The following RDX variants were observed in gnomAD, a reference collection of about 807,000 sequenced individuals.
RDX encodes deafness, autosomal recessive 24.
Under a neutral mutation model 83.7 loss-of-function variants are expected in RDX, and 32 were observed. The observed-to-expected ratio is 0.38, with a 90% CI of 0.29 to 0.51. The LOEUF is 0.51. Ranked by LOEUF, RDX falls within the 20% of genes least tolerant of loss-of-function variation. RDX has a pLI of 0.87. For missense variants in RDX, 600 were observed against 689.9 expected (o/e 0.87, Z 1.46); for synonymous variants, 229 against 222.7 (o/e 1.03, Z -0.25).
At position 110,176,898 on chromosome 11, in the gene RDX, T is replaced by C. The variant is rs149459653; in HGVS notation, c.*32-1664A>G. Among the ~76,000 whole-genome samples, 48 of 151,932 alleles carry C rather than the reference T, an allele frequency of 3.2e-4. 1 individual carries two copies. The South Asian group carries it at 5.0e-3, about 16-fold the overall frequency. On this transcript the variant is annotated intron_variant, in intron 15 of 15. Coordinates refer to the RDX transcript ENST00000528498. Reference sequence around the variant, plus strand: ...GCAGTATCACCAGGCCCTTTCGGAGTCCTCTCTGCTGACCTGAAGGAACCA... The same window carrying C: ...GCAGTATCACCAGGCCCTTTCGGAGCCCTCTCTGCTGACCTGAAGGAACCA...
At chr11:110,224,403 G>A (rs965716639) in intron 14 of RDX, among the ~76,000 whole-genome samples, 4 of 152,060 alleles carry the variant, frequency 2.6e-5, no homozygotes, top group East Asian at 1.9e-4. Context: ...ATTAAGCCTC[G>A]GTTAGGCATA....
intron 14 of RDX, among the ~76,000 whole-genome samples, chr11:110,215,136 G>A (rs923613013): frequency 1.3e-4 from 20 of 150,050 alleles, no homozygotes; most frequent in East Asian, 5.8e-4. Flanking sequence ...CGAGGTGGGC[G>A]GATCACGAGG....
Position 110,236,531 on chromosome 11 carries a change from T to C in RDX, c.1252-340A>G, listed in dbSNP as rs1000527702. The C allele has an allele frequency of 1.3e-4, 29 of 231,162 alleles. No individual in the cohort carries two copies. The South Asian group carries it at 1.8e-3, about 15-fold the overall frequency. 14.3% of individuals were successfully genotyped at this position (231,162 alleles called of 1,614,324 possible). A position where few individuals can be genotyped will look rare whatever the true frequency, so the allele number is the denominator to read the frequency against. ...CACAAAAGATAAAATATTTATCTAA[T>C]GCTATATACTTTAAATGGCACTTTG... On this transcript the variant is annotated intron_variant, in intron 11 of 13. Transcript: ENST00000645495.
intron 9 of RDX, among the ~76,000 whole-genome samples, chr11:110,250,128 G>A (rs1859266357): frequency 6.6e-6 from 1 of 152,160 alleles, no homozygotes; most frequent in African/African-American, 2.4e-5. Flanking sequence ...TCTAGAAGAC[G>A]TGAGTTTAAG....
chr11:110,284,774 C>T (rs1049710207), intron 1 of RDX, among the ~76,000 whole-genome samples: 2 of 152,074 alleles, frequency 1.3e-5, no homozygotes, highest in Non-Finnish European at 1.5e-5. Flanking sequence ...CCACCCGCCT[C>T]GGCCTCCCAA....
At chr11:110,261,558 CCGATATACCATACTGGA>C in intron 5 of RDX, among the ~76,000 whole-genome samples, 1 of 152,234 alleles carries the variant, frequency 6.6e-6, no homozygotes, top group Non-Finnish European at 1.5e-5. Flanking sequence ...GAAAAAGTGT[CCGATATACCATACTGGA>C]ATAAGCCAAT....
Position 110,214,899 on chromosome 11 carries a change from A to C in RDX, c.1749-15221T>G. ...GAGATATACCTAATGCTAGATGACA[A>C]GTTAGTGGGTGCAGCGCACCAGCAT... On this transcript the variant is annotated intron_variant, in intron 14 of 15. Coordinates refer to the RDX transcript ENST00000528498. Among the ~76,000 whole-genome samples, 4 of 148,622 alleles carry C rather than the reference A, an allele frequency of 2.7e-5. 1 individual carries two copies. The highest frequency in any genetic ancestry group is 3.9e-4 in the East Asian group (2 of 5,078).
At chr11:110,264,446 C>T (rs929058698) in intron 4 of RDX, among the ~76,000 whole-genome samples, 1 of 152,098 alleles carries the variant, frequency 6.6e-6, no homozygotes, top group Non-Finnish European at 1.5e-5. Flanking sequence ...ATTCTAATAA[C>T]CAAATTGAAA....
intron 15 of RDX, among the ~76,000 whole-genome samples, chr11:110,176,413 T>C (rs1034884543): frequency 1.3e-5 from 2 of 152,260 alleles, no homozygotes; most frequent in South Asian, 4.1e-4. Context: ...GTACCCCTCC[T>C]GGCTCCTGCC....
chr11:110,253,260 A>C (rs562738047), intron 9 of RDX, among the ~76,000 whole-genome samples: 10 of 152,098 alleles, frequency 6.6e-5, no homozygotes, highest in Non-Finnish European at 1.2e-4. Flanking sequence ...TATTTCTTAG[A>C]CTATCACGTT....
At chr11:110,290,695 C>T (rs929647836) in intron 1 of RDX, among the ~76,000 whole-genome samples, 2 of 152,148 alleles carry the variant, frequency 1.3e-5, no homozygotes, top group African/African-American at 4.8e-5. Context: ...AAACTTTTTC[C>T]GTAAAGGGCC....
At chr11:110,247,972 A>C in intron 9 of RDX, 139 bp from the exon 10 acceptor site, 3 of 943,730 alleles carry the variant, frequency 3.2e-6, no homozygotes, top group Non-Finnish European at 4.7e-6. Flanking sequence ...CATGATTCTA[A>C]GTGAAGTAAC....
At chr11:110,210,844 A>C (rs1863807186) in intron 14 of RDX, among the ~76,000 whole-genome samples, 1 of 152,194 alleles carries the variant, frequency 6.6e-6, no homozygotes, top group Admixed American at 6.5e-5. Flanking sequence ...AGGAAGCACT[A>C]AACATGGAAA....
At chr11:110,209,196 G>A (rs897539457) in intron 14 of RDX, among the ~76,000 whole-genome samples, 8 of 152,178 alleles carry the variant, frequency 5.3e-5, no homozygotes, top group African/African-American at 1.9e-4. Context: ...AGGTCAGGGA[G>A]TTCCCTTTCT....
chr11:110,290,273 C>T (rs1861181057), intron 1 of RDX, among the ~76,000 whole-genome samples: 1 of 152,104 alleles, frequency 6.6e-6, no homozygotes, highest in African/African-American at 2.4e-5. Context: ...GCCTGTAATC[C>T]CAGCACTTTG....
At chr11:110,257,619 A>T in intron 7 of RDX, 148 bp downstream of exon 7, 1 of 791,866 alleles carries the variant, frequency 1.3e-6, no homozygotes, top group Non-Finnish European at 2.1e-6. Context: ...TAAAATATCT[A>T]CAAGTCTATG....
intron 15 of RDX, among the ~76,000 whole-genome samples, chr11:110,184,913 G>T (rs1015231924): frequency 5.9e-5 from 9 of 152,050 alleles, no homozygotes; most frequent in Non-Finnish European, 1.2e-4. Flanking sequence ...GACCTTGGAG[G>T]GGGGGCTAGG....
intron 14 of RDX, among the ~76,000 whole-genome samples, chr11:110,217,683 C>A (rs1337780421): frequency 6.6e-6 from 1 of 152,194 alleles, no homozygotes; most frequent in African/African-American, 2.4e-5. Flanking sequence ...CTCTGTGAAT[C>A]AGCATCAAGA....
intron 9 of RDX, among the ~76,000 whole-genome samples, chr11:110,252,541 A>G (rs997713977): frequency 2.4e-4 from 37 of 152,210 alleles, no homozygotes; most frequent in African/African-American, 8.2e-4. Flanking sequence ...AAAACCTTTA[A>G]GAGACAGTGA....
Sources: allele counts gnomAD v4.1 joint callset (sites outside exome capture counted in the v4.1 genomes callset), GRCh38; gene constraint gnomAD v4.1.1; transcripts MANE v1.5; gene names NCBI Gene and HGNC (gene_info 2026-07-23, HGNC 2026-07-21).